Variants in CPO observed in about 807,000 individuals in gnomAD.
CPO encodes carboxypeptidase O, also known as metallocarboxypeptidase C.
CPO carries 43 observed loss-of-function variants against 41.2 expected under a neutral mutation model. The ratio of observed to expected loss-of-function variants is 1.04; its 90% CI spans 0.82 to 1.35. CPO has a LOEUF of 1.35. Among genes scored for constraint, CPO ranks in the 40% most tolerant of loss-of-function variants. The pLI is 0.00. For missense variants in CPO, 408 were observed against 451.7 expected (o/e 0.90, Z 0.88); for synonymous variants, 178 against 162.7 (o/e 1.09, Z -0.72).
rs1413948162 is a variant in CPO at position 206,949,480 on chromosome 2, A to G, written c.69-137A>G. The G allele has an allele frequency of 5.0e-6, 3 of 599,826 alleles. No individual in the cohort carries two copies. The Admixed American group carries it at 8.5e-5, about 17-fold the overall frequency. 37.2% of individuals were successfully genotyped at this position (599,826 alleles called of 1,614,324 possible). ...AGGTCTCATAATTAGTAAGTCACAG[A>G]GCCAAAGACTCCAACACAGGCTTTT... On this transcript the variant is annotated intron_variant, in intron 1 of 8. Coordinates refer to ENST00000272852, the MANE Select transcript of CPO (RefSeq NM_173077.3).
At position 206,960,916 on chromosome 2, in the gene CPO, A is replaced by G. The variant is rs963704062; in HGVS notation, c.548A>G (p.Asn183Ser). The change falls in exon 6 of 9, where the codon AAT becomes AGT. Residue 183 changes from asparagine (N) to serine (S), a missense_variant. Coordinates refer to ENST00000272852, the MANE Select transcript of CPO (RefSeq NM_173077.3). ...NNGTCFGTDL[N>S]RNFNASWCSI... ...GGCACATGTTTTGGGACGGATCTCAATCGAAATTTCAATGCATCTTGGTGT... is the reference window on the plus strand; with the variant it reads ...GGCACATGTTTTGGGACGGATCTCAGTCGAAATTTCAATGCATCTTGGTGT... The G allele has an allele frequency of 2.5e-6, 4 of 1,613,310 alleles. No individual in the cohort carries two copies. Among genetic ancestry groups the G allele is most frequent in the Non-Finnish European group, 3.4e-6 (4 of 1,179,220 alleles).
chr2:206,968,145 G>T, intron 7 of CPO, 118 bp from the exon 8 acceptor site: 1 of 726,272 alleles, frequency 1.4e-6, no homozygotes, highest in South Asian at 1.5e-5. Context: ...GATGTCCGAT[G>T]GGAAGTTGGA....
chr2:206,969,417 C>T lies in CPO; in HGVS notation c.1106C>T (p.Ser369Phe). 6.2e-7 allele frequency: 1 copy of T among 1,614,034 alleles called. No individual in the cohort carries two copies. The highest frequency in any genetic ancestry group is 8.5e-7 in the Non-Finnish European group (1 of 1,179,980). Residue 369 changes from serine (S) to phenylalanine (F), a missense_variant, in exon 9 of 9, where the codon TCC becomes TTC. Coordinates refer to ENST00000272852, the MANE Select transcript of CPO (RefSeq NM_173077.3). The stretch of plus-strand genomic sequence containing the variant: ...ACTATGCTGCTGGGCCTGCTGGTGT[C>T]CTGCATGTCTCTTCTCTAAGTGCAT... ...SATMLLGLLVSCMSLL is the reference protein window; with the variant it reads ...SATMLLGLLVFCMSLL
chr2:206,959,480 A>C, intron 4 of CPO, 151 bp from the exon 5 acceptor site: 1 of 569,882 alleles, frequency 1.8e-6, no homozygotes, highest in South Asian at 2.3e-5. Context: ...TTTGGGAACA[A>C]CTACTGTAAT....
intron 7 of CPO, among the ~76,000 whole-genome samples, chr2:206,966,628 A>G (rs1006814143): frequency 2.0e-5 from 3 of 152,150 alleles, no homozygotes; most frequent in Admixed American, 1.3e-4. Context: ...CATTATCTCA[A>G]TTCTGGATAA....
At chr2:206,966,383 A>C (rs1191630376) in intron 7 of CPO, among the ~76,000 whole-genome samples, 1 of 152,162 alleles carries the variant, frequency 6.6e-6, no homozygotes, top group Admixed American at 6.5e-5. Flanking sequence ...AAATAATTAA[A>C]AGCAATTCGT....
intron 7 of CPO, among the ~76,000 whole-genome samples, chr2:206,966,084 T>C (rs1414197380): frequency 3.9e-5 from 6 of 151,966 alleles, no homozygotes; most frequent in Non-Finnish European, 1.5e-5. Context: ...AAAATAGAGC[T>C]CAAAAGTTAT....
At chr2:206,955,043 T>C (rs1334376865) in intron 2 of CPO, among the ~76,000 whole-genome samples, 1 of 152,154 alleles carries the variant, frequency 6.6e-6, no homozygotes, top group Non-Finnish European at 1.5e-5. Context: ...CCATATCACA[T>C]GGACATCAGC....
chr2:206,967,696 T>C (rs990337941), intron 7 of CPO, among the ~76,000 whole-genome samples: 2 of 152,094 alleles, frequency 1.3e-5, no homozygotes, highest in Admixed American at 6.5e-5. Context: ...TGACAAAATA[T>C]GGTGTTGGGA....
chr2:206,965,952 G>T (rs886637034), intron 7 of CPO, among the ~76,000 whole-genome samples: 10 of 152,086 alleles, frequency 6.6e-5, no homozygotes, highest in African/African-American at 2.4e-4. Context: ...TAGTCTGGGG[G>T]ATTTCCATTT....
chr2:206,951,096 G>A (rs1019731726), intron 2 of CPO, among the ~76,000 whole-genome samples: 4 of 133,586 alleles, frequency 3.0e-5, no homozygotes, highest in Non-Finnish European at 6.8e-5. Flanking sequence ...AAAAAGGGGT[G>A]GAACCAAAAA....
chr2:206,969,203 G>A lies in CPO; in HGVS notation c.892G>A (p.Ala298Thr), dbSNP rs758629422. 1.9e-6 allele frequency: 3 copies of A among 1,614,082 alleles called. No individual in the cohort carries two copies. Among genetic ancestry groups the A allele is most frequent in the African/African-American group, 1.3e-5 (1 of 75,030 alleles). The change falls in exon 9 of 9, where the codon GCC becomes ACC. Residue 298 changes from alanine to threonine, a missense_variant. Physicochemically the swap from Ala to Thr is moderately conservative, Grantham distance 58 (BLOSUM62 0). Transcript: ENST00000272852. ...YASSGSSRDW[A>T]RDIGIPFSYT... ...CTCATCAGGGTCTTCAAGAGATTGGGCCCGAGACATTGGGATTCCCTTCTC... is the reference window on the plus strand; with the variant it reads ...CTCATCAGGGTCTTCAAGAGATTGGACCCGAGACATTGGGATTCCCTTCTC...
rs757639717 is a variant in CPO, at chr2:206,969,400, G to T, written c.1089G>T (p.Leu363=). The change falls in exon 9 of 9, where the codon CTG becomes CTT. Residue 363 remains leucine, a synonymous_variant. Transcript: ENST00000272852. The part of the protein sequence containing the change: ...SAGRVTSATM[L]LGLLVSCMSL... The stretch of plus-strand genomic sequence containing the variant: ...GAAGGGTGACATCTGCCACTATGCT[G>T]CTGGGCCTGCTGGTGTCCTGCATGT... 2.7e-5 allele frequency: 43 copies of T among 1,613,966 alleles called. No homozygotes were observed. Among genetic ancestry groups the T allele is most frequent in the Non-Finnish European group, 3.4e-5 (40 of 1,179,992 alleles).
chr2:206,943,955 C>T (rs1427234615), intron 1 of CPO, among the ~76,000 whole-genome samples: 3 of 152,118 alleles, frequency 2.0e-5, no homozygotes, highest in Non-Finnish European at 4.4e-5. Context: ...GTTAATCAGG[C>T]ACTAGCTTAT....
chr2:206,942,289 A>C (rs1249456675), intron 1 of CPO, among the ~76,000 whole-genome samples: 2 of 152,122 alleles, frequency 1.3e-5, no homozygotes, highest in Non-Finnish European at 2.9e-5. Context: ...TCTGGAAGGA[A>C]ACATGCCAAA....
At chr2:206,943,728 TGATAGATAGATAGATA>T (rs68125401) in intron 1 of CPO, among the ~76,000 whole-genome samples, 3,032 of 123,622 alleles carry the variant, frequency 0.025, 41 homozygotes, top group Middle Eastern at 0.044. Flanking sequence ...GATGGATAGA[TGATAGATAGATAGATA>T]GATAGATAGA....
chr2:206,947,380 C>T (rs1162605674), intron 1 of CPO, among the ~76,000 whole-genome samples: 1 of 152,072 alleles, frequency 6.6e-6, no homozygotes, highest in Non-Finnish European at 1.5e-5. Context: ...ACATAGACAT[C>T]GCACCTTCAC....
At chr2:206,950,216 A>T (rs1343103402) in intron 2 of CPO, among the ~76,000 whole-genome samples, 1 of 152,220 alleles carries the variant, frequency 6.6e-6, no homozygotes, top group Non-Finnish European at 1.5e-5. Flanking sequence ...AATATCCAGA[A>T]TCTACAAAGA....
intron 1 of CPO, among the ~76,000 whole-genome samples, chr2:206,945,762 T>C (rs1693132167): frequency 6.6e-6 from 1 of 152,066 alleles, no homozygotes; most frequent in Admixed American, 6.6e-5. Flanking sequence ...AGCCCATATC[T>C]ATTAAAAATT....
Sources: allele counts gnomAD v4.1 joint callset (sites outside exome capture counted in the v4.1 genomes callset), GRCh38; gene constraint gnomAD v4.1.1; transcripts MANE v1.5; gene names NCBI Gene and HGNC (gene_info 2026-07-23, HGNC 2026-07-21).